Variants in POLH observed in about 807,000 individuals in gnomAD.
POLH encodes the protein DNA polymerase eta transcript.
In POLH, 53 loss-of-function variants were observed where a neutral mutation model predicts 73.6. That is an observed-to-expected ratio of 0.72 (90% CI 0.58 to 0.91). The LOEUF (loss-of-function observed/expected upper bound fraction) is 0.91, where lower values mean the gene tolerates loss of function less well. POLH is among the 40% of genes least tolerant of loss of function. The probability of loss-of-function intolerance (pLI) is 0.00; values close to 1 mark genes in which losing one functional copy is unlikely to be tolerated. For synonymous variants in POLH, 292 were observed against 308.5 expected, an observed-to-expected ratio of 0.95 and a Z score of 0.56; for missense variants, 768 against 865.4, an observed-to-expected ratio of 0.89 and a Z score of 1.41.
chr6:43,589,456 C>G (rs1436090724), intron 4 of POLH, among the ~76,000 whole-genome samples: 1 of 152,130 alleles, frequency 6.6e-6, no homozygotes, highest in African/African-American at 2.4e-5. Flanking sequence ...ATTTACATTT[C>G]TCTGATCACT....
At chr6:43,601,568 G>T (rs1416484053) in intron 6 of POLH, among the ~76,000 whole-genome samples, 1 of 150,854 alleles carries the variant, frequency 6.6e-6, no homozygotes, top group East Asian at 2.0e-4. Flanking sequence ...GTCCAGCCAC[G>T]CTGAGACTTT....
At chr6:43,599,130 AG>A (rs777162107) in intron 5 of POLH, among the ~76,000 whole-genome samples, 2 of 151,566 alleles carry the variant, frequency 1.3e-5, no homozygotes, top group Admixed American at 6.6e-5. Flanking sequence ...CTGGGATTAC[AG>A]GTGCACACCA....
chr6:43,578,337 A>G, intron 1 of POLH: 1 of 391,042 alleles, frequency 2.6e-6, no homozygotes, highest in Non-Finnish European at 5.0e-6. Context: ...CAGTGAGCCG[A>G]GACTGTGCCA....
chr6:43,612,401 C>T (rs1480831579), intron 10 of POLH, among the ~76,000 whole-genome samples: 1 of 148,188 alleles, frequency 6.7e-6, no homozygotes, highest in Non-Finnish European at 1.5e-5. Flanking sequence ...GGCTGGAGTG[C>T]AGTGACGCAA....
At position 43,617,448 on chromosome 6, in the gene POLH, A is replaced by G. The variant is rs962377155; in HGVS notation, c.*2891A>G. ...TGAGACCAGGCTGGCCAACATGGGG[A>G]AAACCCATCTCTACAAAAAATAACA... On this transcript the variant is annotated 3_prime_UTR_variant, in exon 11 of 11. Transcript: ENST00000372236. Among the ~76,000 whole-genome samples, 1 of 151,712 alleles carries G rather than the reference A, an allele frequency of 6.6e-6. No homozygotes were observed. The highest frequency in any genetic ancestry group is 1.5e-5 in the Non-Finnish European group (1 of 67,960).
chr6:43,620,072 A>G lies in POLH; in HGVS notation c.*5515A>G. On this transcript the variant is annotated 3_prime_UTR_variant, in exon 11 of 11. Transcript: ENST00000372236. ...TGGTCAAGTGGCCCTCATTGTTCCAAGAGTAATTTAGGCTATGTAAACTTG... is the reference window on the plus strand; with the variant it reads ...TGGTCAAGTGGCCCTCATTGTTCCAGGAGTAATTTAGGCTATGTAAACTTG... 1 of 309,340 alleles carries G rather than the reference A, an allele frequency of 3.2e-6. No individual in the cohort carries two copies. The highest frequency in any genetic ancestry group is 2.6e-5 in the South Asian group (1 of 38,746). The allele number at this position is 309,340 out of a possible 1,614,324, so 19.2% of individuals were successfully genotyped here. A position where few individuals can be genotyped will look rare whatever the true frequency, so the allele number is the denominator to read the frequency against.
intron 1 of POLH, among the ~76,000 whole-genome samples, chr6:43,578,705 C>T (rs1000205819): frequency 5.3e-5 from 8 of 151,984 alleles, no homozygotes; most frequent in African/African-American, 1.4e-4. Flanking sequence ...ACCATTTTTG[C>T]GATTTTCTGT....
chr6:43,611,775 G>A (rs1007256673), intron 10 of POLH, among the ~76,000 whole-genome samples: 1 of 152,058 alleles, frequency 6.6e-6, no homozygotes, highest in African/African-American at 2.4e-5. Flanking sequence ...TGTTCATAGG[G>A]CCGGGCGCGG....
chr6:43,613,326 G>GTAATT (rs1457594656), intron 10 of POLH, among the ~76,000 whole-genome samples: 2 of 152,270 alleles, frequency 1.3e-5, no homozygotes, highest in East Asian at 3.9e-4. Flanking sequence ...CTGAATTACA[G>GTAATT]CAGCTTTCCA....
At chr6:43,583,162 A>C (rs1254174158) in intron 3 of POLH, 21 bp downstream of exon 3, 1 of 1,610,996 alleles carries the variant, frequency 6.2e-7, no homozygotes, top group Non-Finnish European at 8.5e-7. Flanking sequence ...AACATTATTT[A>C]AGGAGACATA....
At chr6:43,600,221 C>T (rs2127798804) in intron 5 of POLH, among the ~76,000 whole-genome samples, 2 of 151,556 alleles carry the variant, frequency 1.3e-5, no homozygotes, top group South Asian at 4.2e-4. Flanking sequence ...ATCTCAAGGC[C>T]ATCCTGGCCA....
Position 43,578,153 on chromosome 6 carries a change from G to C in POLH, c.-5+1713G>C, listed in dbSNP as rs189870608. On this transcript the variant is annotated intron_variant, in intron 1 of 10. Coordinates refer to ENST00000372236, the MANE Select transcript of POLH (RefSeq NM_006502.3). ...TGTAATCCCAGCACTTTGGGAGGCC[G>C]AGGTGGGTGGATCGCCTAAGGTCAG... Among the ~76,000 whole-genome samples the C allele has an allele frequency of 3.0e-3, 451 of 152,138 alleles. 5 individuals are homozygous for C. Among genetic ancestry groups the C allele is most frequent in the South Asian group, 8.9e-3 (43 of 4,818 alleles).
chr6:43,620,303 A>G lies in POLH; in HGVS notation c.*5746A>G, dbSNP rs375299121. On this transcript the variant is annotated 3_prime_UTR_variant, in exon 11 of 11. Coordinates refer to ENST00000372236, the MANE Select transcript of POLH (RefSeq NM_006502.3). ...ACTTGAACTACGGAAAATAGGCCACAATACTTGGTTACAATACTGGAACTC... is the reference window on the plus strand; with the variant it reads ...ACTTGAACTACGGAAAATAGGCCACGATACTTGGTTACAATACTGGAACTC... 5.0e-5 allele frequency: 26 copies of G among 516,790 alleles called. 1 individual carries two copies. The Middle Eastern group carries it at 1.6e-3, about 32-fold the overall frequency. 32.0% of individuals were successfully genotyped at this position (516,790 alleles called of 1,614,324 possible). A position where few individuals can be genotyped will look rare whatever the true frequency, so the allele number is the denominator to read the frequency against.
chr6:43,601,652 G>A (rs931077476), intron 6 of POLH, among the ~76,000 whole-genome samples: 8 of 152,182 alleles, frequency 5.3e-5, no homozygotes, highest in African/African-American at 1.9e-4. Flanking sequence ...GCCAGGTGTG[G>A]TGGCTCACAC....
At chr6:43,582,828 T>G (rs948713182) in intron 2 of POLH, among the ~76,000 whole-genome samples, 179 bp from the exon 3 acceptor site, 5 of 152,254 alleles carry the variant, frequency 3.3e-5, no homozygotes, top group African/African-American at 1.2e-4. Flanking sequence ...ATTGCCAGCA[T>G]GAGCTGCTGT....
chr6:43,582,348 C>A lies in POLH; in HGVS notation c.29C>A (p.Ala10Asp). ...GCTACTGGACAGGATCGAGTGGTTG[C>A]TCTCGTGGACATGGACTGTTTTTTT... MATGQDRVVALVDMDCFFVQ... is the reference protein window; with the variant it reads MATGQDRVVDLVDMDCFFVQ... The change falls in exon 2 of 11, where the codon GCT becomes GAT. Residue 10 changes from alanine to aspartate, a missense_variant. Physicochemically the swap from Ala to Asp is moderately radical, Grantham distance 126 (BLOSUM62 -2). Transcript: ENST00000372236. 6.2e-7 allele frequency: 1 copy of A among 1,614,080 alleles called. No homozygotes were observed. Among genetic ancestry groups the A allele is most frequent in the Non-Finnish European group, 8.5e-7 (1 of 1,179,982 alleles).
chr6:43,599,526 C>T (rs1385374561), intron 5 of POLH, among the ~76,000 whole-genome samples: 1 of 152,076 alleles, frequency 6.6e-6, no homozygotes, highest in Admixed American at 6.6e-5. Context: ...TCATCCCCTT[C>T]TGACCAAAGC....
intron 6 of POLH, among the ~76,000 whole-genome samples, chr6:43,603,168 A>G (rs1454441347): frequency 6.7e-6 from 1 of 150,140 alleles, no homozygotes; most frequent in Non-Finnish European, 1.5e-5. Context: ...TGCCCAGTTA[A>G]TTTGCTGGAG....
chr6:43,577,552 C>G (rs576840355), intron 1 of POLH, among the ~76,000 whole-genome samples: 1 of 152,138 alleles, frequency 6.6e-6, no homozygotes, highest in East Asian at 1.9e-4. Flanking sequence ...AATGCTTTGA[C>G]TGCTCTGATT....
Sources: gnomAD v4.1 joint callset for allele counts (sites outside exome capture counted in the v4.1 genomes callset) on GRCh38, gnomAD v4.1.1 for gene constraint, MANE v1.5 for transcripts, NCBI Gene and HGNC (gene_info 2026-07-23, HGNC 2026-07-21) for gene names.